HTR1E: variants seen among roughly 807,000 people sequenced by gnomAD.
HTR1E encodes the protein 5-hydroxytryptamine receptor 1E, also known as 5-HT-1E.
Under a neutral mutation model 3.4 loss-of-function variants are expected in HTR1E, and 3 were observed. The ratio of observed to expected loss-of-function variants is 0.89; its 90% CI spans 0.41 to 2.31. The LOEUF is 2.31. HTR1E is among the 30% of genes most tolerant of loss of function. The pLI is 0.05. For missense variants in HTR1E, 392 were observed against 467.0 expected, an observed-to-expected ratio of 0.84 and a Z score of 1.48; for synonymous variants, 170 against 182.8, an observed-to-expected ratio of 0.93 and a Z score of 0.56.
chr6:86,991,989 G>T (rs1187166952), intron 1 of HTR1E, among the ~76,000 whole-genome samples: 4 of 152,046 alleles, frequency 2.6e-5, no homozygotes. Flanking sequence ...TCACCTTTCT[G>T]CCACCCTGCC....
intron 1 of HTR1E, among the ~76,000 whole-genome samples, chr6:86,948,049 A>T (rs1767151184): frequency 6.6e-6 from 1 of 152,022 alleles, no homozygotes; most frequent in Non-Finnish European, 1.5e-5. Flanking sequence ...CCACCCCGCG[A>T]CAGGCCCCAG....
At chr6:86,945,230 A>G (rs1409959257) in intron 1 of HTR1E, among the ~76,000 whole-genome samples, 2 of 151,912 alleles carry the variant, frequency 1.3e-5, no homozygotes, top group African/African-American at 4.8e-5. Context: ...ATGTGTCTGT[A>G]TCTTAGTTTT....
intron 1 of HTR1E, among the ~76,000 whole-genome samples, chr6:86,987,955 C>T (rs2127827048): frequency 6.6e-6 from 1 of 152,222 alleles, no homozygotes; most frequent in Non-Finnish European, 1.5e-5. Context: ...ACCTGACTTT[C>T]GGAGAGGACA....
At chr6:86,942,341 C>A (rs75316147) in intron 1 of HTR1E, among the ~76,000 whole-genome samples, 7,760 of 152,190 alleles carry the variant, frequency 0.051, 218 homozygotes, top group Middle Eastern at 0.078. Flanking sequence ...TGTATACTTA[C>A]TTAAGTACCT....
chr6:86,947,373 A>G (rs1165343305), intron 1 of HTR1E, among the ~76,000 whole-genome samples: 1 of 152,098 alleles, frequency 6.6e-6, no homozygotes, highest in African/African-American at 2.4e-5. Flanking sequence ...TGTTATCTAC[A>G]TTTCTTCTCT....
At chr6:86,949,024 G>A (rs1767173822) in intron 1 of HTR1E, among the ~76,000 whole-genome samples, 2 of 152,212 alleles carry the variant, frequency 1.3e-5, no homozygotes, top group Admixed American at 1.3e-4. Flanking sequence ...TCATGAGCAA[G>A]TAAAGTCTCC....
intron 1 of HTR1E, among the ~76,000 whole-genome samples, chr6:86,994,651 G>A (rs1767911890): frequency 6.6e-6 from 1 of 151,930 alleles, no homozygotes; most frequent in Non-Finnish European, 1.5e-5. Context: ...AAATGATAAG[G>A]AGAAATCTTA....
intron 1 of HTR1E, among the ~76,000 whole-genome samples, chr6:87,001,507 A>G (rs954342027): frequency 9.9e-5 from 15 of 152,214 alleles, no homozygotes; most frequent in African/African-American, 3.6e-4. Flanking sequence ...GAGTATTGCC[A>G]AGGAAGAAGA....
intron 1 of HTR1E, among the ~76,000 whole-genome samples, chr6:86,948,097 T>C (rs1219642149): frequency 6.6e-6 from 1 of 152,190 alleles, no homozygotes; most frequent in East Asian, 1.9e-4. Context: ...TGTGTTCTCA[T>C]TGTTCAACTC....
intron 1 of HTR1E, among the ~76,000 whole-genome samples, chr6:87,010,291 G>T (rs1458618376): frequency 1.2e-4 from 13 of 112,790 alleles, no homozygotes; most frequent in African/African-American, 5.1e-4. Context: ...CCTCCCGGAC[G>T]GGGCGGCTGG....
At chr6:86,993,259 TAA>T (rs1436404614) in intron 1 of HTR1E, among the ~76,000 whole-genome samples, 1 of 147,526 alleles carries the variant, frequency 6.8e-6, no homozygotes, top group East Asian at 2.1e-4. Flanking sequence ...TTTACCAAAA[TAA>T]AAAGTTTATT....
chr6:86,967,934 A>G (rs1455562396), intron 1 of HTR1E, among the ~76,000 whole-genome samples: 2 of 152,194 alleles, frequency 1.3e-5, no homozygotes, highest in African/African-American at 4.8e-5. Flanking sequence ...TAGGTAGTAT[A>G]TGCAAAAAAG....
intron 1 of HTR1E, among the ~76,000 whole-genome samples, chr6:87,007,009 A>G (rs150055580): frequency 1.6e-4 from 25 of 152,360 alleles, no homozygotes; most frequent in Non-Finnish European, 3.1e-4. Flanking sequence ...TGATAGGTGC[A>G]GCAAATCACC....
Position 87,008,107 on chromosome 6 carries a change from T to C in HTR1E, c.-185-7043T>C, listed in dbSNP as rs1312908630. On this transcript the variant is annotated intron_variant, in intron 1 of 1. Coordinates refer to ENST00000305344, the MANE Select transcript of HTR1E (RefSeq NM_000865.3). ...CTGTTTTGAGATTATAAAATGGTAATGTTTTCTTGTTATTATGAATATAAT... is the reference window on the plus strand; with the variant it reads ...CTGTTTTGAGATTATAAAATGGTAACGTTTTCTTGTTATTATGAATATAAT... Among the ~76,000 whole-genome samples the C allele has an allele frequency of 2.0e-5, 3 of 152,322 alleles. No homozygotes were observed. In the East Asian group the frequency reaches 5.8e-4, roughly 29 times the overall value.
intron 1 of HTR1E, among the ~76,000 whole-genome samples, chr6:86,972,378 T>A (rs1199448488): frequency 6.6e-6 from 1 of 152,142 alleles, no homozygotes; most frequent in East Asian, 1.9e-4. Flanking sequence ...AAAAAAAGGT[T>A]ACCTAAACTG....
chr6:86,970,251 G>T (rs554601410), intron 1 of HTR1E, among the ~76,000 whole-genome samples: 4 of 152,242 alleles, frequency 2.6e-5, no homozygotes, highest in African/African-American at 4.8e-5. Flanking sequence ...ATACGACAAA[G>T]TTCTTTTAAA....
At chr6:86,999,085 G>A (rs77831821) in intron 1 of HTR1E, among the ~76,000 whole-genome samples, 2 of 151,966 alleles carry the variant, frequency 1.3e-5, no homozygotes. Context: ...TCAGCCTCCC[G>A]AGTAGCTGGG....
chr6:86,983,699 T>C (rs1321314039), intron 1 of HTR1E, among the ~76,000 whole-genome samples: 2 of 152,168 alleles, frequency 1.3e-5, no homozygotes, highest in Admixed American at 1.3e-4. Flanking sequence ...TTATAAATGT[T>C]GAAGGTGATG....
At chr6:86,995,374 A>C (rs565760435) in intron 1 of HTR1E, among the ~76,000 whole-genome samples, 1 of 147,110 alleles carries the variant, frequency 6.8e-6, no homozygotes, top group East Asian at 2.0e-4. Flanking sequence ...GGATTAAGAG[A>C]ACATGACCCG....
Sources: gnomAD v4.1 joint callset for allele counts (sites outside exome capture counted in the v4.1 genomes callset) on GRCh38, gnomAD v4.1.1 for gene constraint, MANE v1.5 for transcripts, NCBI Gene and HGNC (gene_info 2026-07-23, HGNC 2026-07-21) for gene names.